Variants in KHDRBS2 observed in about 807,000 individuals in gnomAD.
KHDRBS2 encodes KH RNA binding domain containing, signal transduction associated 2.
In KHDRBS2, 26 loss-of-function variants were observed where a neutral mutation model predicts 44.3. That is an observed-to-expected ratio of 0.59 (90% confidence interval 0.43 to 0.81). The LOEUF (loss-of-function observed/expected upper bound fraction) is 0.81, where lower values mean the gene tolerates loss of function less well. Among genes scored for constraint, KHDRBS2 ranks in the 40% least tolerant of loss-of-function variants. The pLI is 0.00. For missense variants in KHDRBS2, 476 were observed against 433.1 expected (o/e 1.10, Z -0.88); for synonymous variants, 194 against 151.1 (o/e 1.28, Z -2.08).
intron 6 of KHDRBS2, among the ~76,000 whole-genome samples, chr6:61,791,549 A>G (rs942580665): frequency 6.6e-6 from 1 of 151,578 alleles, no homozygotes; most frequent in Non-Finnish European, 1.5e-5. Context: ...ATCAAAAATT[A>G]TATTTTAAAG....
intron 6 of KHDRBS2, among the ~76,000 whole-genome samples, chr6:61,883,537 G>C (rs888534463): frequency 5.3e-5 from 8 of 151,968 alleles, no homozygotes; most frequent in Non-Finnish European, 1.2e-4. Context: ...TTTCTAAAAT[G>C]ACTTAAAATT....
At chr6:62,145,984 A>C (rs1813850979) in intron 2 of KHDRBS2, among the ~76,000 whole-genome samples, 1 of 151,882 alleles carries the variant, frequency 6.6e-6, no homozygotes, top group Admixed American at 6.6e-5. Context: ...CAAATATTTC[A>C]AAATATATCT....
At chr6:61,940,496 G>A (rs189823920) in intron 4 of KHDRBS2, among the ~76,000 whole-genome samples, 15 of 152,172 alleles carry the variant, frequency 9.9e-5, no homozygotes, top group African/African-American at 2.4e-4. Context: ...GGTTGTGCTG[G>A]GTCCCACATG....
rs369232177 is a variant in KHDRBS2 at position 61,894,767 on chromosome 6, G to C, written c.678C>G (p.Ser226Arg). The C allele has an allele frequency of 3.7e-6, 6 of 1,613,362 alleles. No individual in the cohort carries two copies. The highest frequency in any genetic ancestry group is 1.1e-5 in the South Asian group (1 of 90,958). Residue 226 changes from serine (S) to arginine (R), a missense_variant, in exon 6 of 9, where the codon AGC (serine) becomes AGG (arginine). Coordinates refer to ENST00000281156, the MANE Select transcript of KHDRBS2 (RefSeq NM_152688.4). ...CTGGAAGCGCTCCACGGGTTACAGT[G>C]CTTCCCCGAGGGGTGAGAACACCTC... The part of the protein sequence containing the change: ...PGRGVLTPRG[S>R]TVTRGALPVP...
intron 6 of KHDRBS2, among the ~76,000 whole-genome samples, chr6:61,807,553 C>G (rs925453096): frequency 1.3e-5 from 2 of 152,014 alleles, no homozygotes; most frequent in Admixed American, 6.6e-5. Context: ...TTATCCTAAG[C>G]AGAACTAATT....
chr6:61,934,750 G>A (rs544563563), intron 4 of KHDRBS2, among the ~76,000 whole-genome samples: 1 of 152,208 alleles, frequency 6.6e-6, no homozygotes, highest in South Asian at 2.1e-4. Context: ...ATCCCAAATT[G>A]GGGTAACAGG....
chr6:62,210,487 C>T (rs1218015412), intron 1 of KHDRBS2, among the ~76,000 whole-genome samples: 2 of 151,938 alleles, frequency 1.3e-5, no homozygotes, highest in Non-Finnish European at 2.9e-5. Flanking sequence ...CACACCACCA[C>T]ACCCGGCTAA....
the KHDRBS2 span, among the ~76,000 whole-genome samples, chr6:61,597,761 T>C: frequency 4.3e-5 from 1 of 23,280 alleles, no homozygotes; most frequent in Non-Finnish European, 9.8e-5. Flanking sequence ...TATATATACA[T>C]ATATATATAT....
chr6:62,224,018 C>T (rs1831337862), intron 1 of KHDRBS2, among the ~76,000 whole-genome samples: 1 of 152,150 alleles, frequency 6.6e-6, no homozygotes, highest in Admixed American at 6.6e-5. Context: ...ATATTTTCAG[C>T]AACTCCTCAT....
intron 1 of KHDRBS2, among the ~76,000 whole-genome samples, chr6:62,230,223 A>G (rs1438652304): frequency 1.3e-5 from 2 of 152,186 alleles, no homozygotes; most frequent in Non-Finnish European, 2.9e-5. Flanking sequence ...GAAATGTTTC[A>G]TAAAATGTTA....
At chr6:61,585,536 A>G in the KHDRBS2 span, among the ~76,000 whole-genome samples, 20 of 152,194 alleles carry the variant, frequency 1.3e-4, no homozygotes, top group South Asian at 2.7e-3. Context: ...CTTAGAAAAT[A>G]CGATTTGCAA....
intron 1 of KHDRBS2, among the ~76,000 whole-genome samples, chr6:62,214,971 T>C (rs193230373): frequency 8.7e-5 from 13 of 149,744 alleles, no homozygotes; most frequent in South Asian, 2.1e-4. Context: ...GAAGTATACA[T>C]ACAAATCAAG....
At chr6:61,820,485 G>T (rs572600431) in intron 6 of KHDRBS2, among the ~76,000 whole-genome samples, 3 of 152,078 alleles carry the variant, frequency 2.0e-5, no homozygotes, top group Non-Finnish European at 2.9e-5. Context: ...AGGGCCTGAG[G>T]TTATAGAACA....
At chr6:61,816,577 A>C (rs1328831413) in intron 6 of KHDRBS2, 1 of 444,926 alleles carries the variant, frequency 2.2e-6, no homozygotes, top group Non-Finnish European at 4.5e-6. Context: ...CTCCAGAACT[A>C]TGAGAAAAAT....
intron 2 of KHDRBS2, among the ~76,000 whole-genome samples, chr6:62,052,792 A>T (rs1584382250): frequency 6.6e-6 from 1 of 152,020 alleles, no homozygotes; most frequent in East Asian, 2.0e-4. Flanking sequence ...ATCTGACAGG[A>T]GGTGGAGCTC....
chr6:61,962,095 G>C (rs539169646), intron 4 of KHDRBS2, among the ~76,000 whole-genome samples: 1 of 152,064 alleles, frequency 6.6e-6, no homozygotes, highest in African/African-American at 2.4e-5. Context: ...TATCTTACAG[G>C]CAATCTTCAA....
intron 6 of KHDRBS2, among the ~76,000 whole-genome samples, chr6:61,891,760 A>T (rs1801887170): frequency 6.6e-6 from 1 of 152,184 alleles, no homozygotes; most frequent in African/African-American, 2.4e-5. Flanking sequence ...TCAAAATAAT[A>T]AGACCTGTCT....
chr6:61,720,244 G>A (rs1367876331), intron 7 of KHDRBS2, among the ~76,000 whole-genome samples: 1 of 152,194 alleles, frequency 6.6e-6, no homozygotes, highest in East Asian at 1.9e-4. Context: ...ACATACGTGT[G>A]CATGTGTCTT....
chr6:61,817,401 G>A (rs1210397984), intron 6 of KHDRBS2, among the ~76,000 whole-genome samples: 1 of 151,968 alleles, frequency 6.6e-6, no homozygotes, highest in African/African-American at 2.4e-5. Flanking sequence ...TACCATAGAA[G>A]AATGGCAATT....
Sources: gnomAD v4.1 joint callset for allele counts (sites outside exome capture counted in the v4.1 genomes callset) on GRCh38, gnomAD v4.1.1 for gene constraint, MANE v1.5 for transcripts, NCBI Gene and HGNC (gene_info 2026-07-23, HGNC 2026-07-21) for gene names.